ZDHHC23: variants seen among roughly 807,000 people sequenced by gnomAD.
ZDHHC23 encodes the protein palmitoyltransferase ZDHHC23.
Under a neutral mutation model 40.2 loss-of-function variants are expected in ZDHHC23, and 41 were observed. The observed-to-expected ratio is 1.02, with a 90% confidence interval of 0.79 to 1.32. The LOEUF is 1.32. ZDHHC23 is among the 40% of genes most tolerant of loss of function. ZDHHC23 has a pLI of 0.00. For missense variants in ZDHHC23, 471 were observed against 541.5 expected (o/e 0.87, Z 1.29); for synonymous variants, 204 against 210.2 (o/e 0.97, Z 0.26).
chr3:113,960,635 T>G lies in ZDHHC23; in HGVS notation c.*2005T>G, dbSNP rs960254176. On this transcript the variant is annotated 3_prime_UTR_variant, in exon 5 of 5. Transcript: ENST00000638807. ...AACATCTAAATGTAATGTGATGTGATGAAGATAAGTAGTACAAAGAGACCA... is the reference window on the plus strand; with the variant it reads ...AACATCTAAATGTAATGTGATGTGAGGAAGATAAGTAGTACAAAGAGACCA... 1.3e-6 allele frequency: 2 copies of G among 1,588,382 alleles called. No individual in the cohort carries two copies. The highest frequency in any genetic ancestry group is 2.7e-5 in the African/African-American group (2 of 72,798).
At chr3:113,978,419 G>A in the ZDHHC23 span, 1 of 1,286,508 alleles carries the variant, frequency 7.8e-7, no homozygotes. Context: ...AGACAGAAAT[G>A]AAACAAAAGA....
chr3:113,973,233 T>C, the ZDHHC23 span, among the ~76,000 whole-genome samples: 3 of 152,316 alleles, frequency 2.0e-5, no homozygotes, highest in African/African-American at 7.2e-5. Flanking sequence ...GACTTTTTCT[T>C]GTTTTAGTTT....
At chr3:113,951,199 C>T (rs1184852633) in intron 2 of ZDHHC23, among the ~76,000 whole-genome samples, 2 of 152,148 alleles carry the variant, frequency 1.3e-5, no homozygotes, top group East Asian at 3.9e-4. Flanking sequence ...TCCAAGCAGG[C>T]ATTGCCTCAG....
chr3:113,953,444 T>C (rs974293939), intron 2 of ZDHHC23, among the ~76,000 whole-genome samples: 5 of 152,228 alleles, frequency 3.3e-5, no homozygotes, highest in Non-Finnish European at 7.3e-5. Context: ...GATGTAAACA[T>C]TACTTGCAGC....
chr3:113,978,303 C>T, the ZDHHC23 span: 5 of 1,613,828 alleles, frequency 3.1e-6, no homozygotes, highest in African/African-American at 6.7e-5. Flanking sequence ...ACAAAATTTT[C>T]TTACTTCTTC....
rs762748043 is a variant in ZDHHC23, at chr3:113,956,432, C to G, written c.966C>G (p.Thr322=). 1 of 1,614,152 alleles carries G rather than the reference C, an allele frequency of 6.2e-7. No individual in the cohort carries two copies. The highest frequency in any genetic ancestry group is 1.1e-5 in the South Asian group (1 of 91,080). ...LLTSVYGITL[T]LDTICRDRSV... ...CCTCGGTGTATGGGATCACACTGAC[C>G]TTGGACACCATTTGTAGAGACAGAA... Residue 322 remains threonine (T), a synonymous_variant, in exon 4 of 5, where the codon ACC becomes ACG. Transcript: ENST00000638807.
the ZDHHC23 span, among the ~76,000 whole-genome samples, chr3:113,972,700 C>A: frequency 6.6e-6 from 1 of 152,046 alleles, no homozygotes; most frequent in African/African-American, 2.4e-5. Context: ...TTGCAGTTAT[C>A]TCTCCCTTTA....
At chr3:113,965,809 G>T (rs571837612), downstream of ZDHHC23, among the ~76,000 whole-genome samples, 2 of 152,046 alleles carry the variant, frequency 1.3e-5, no homozygotes, top group Non-Finnish European at 2.9e-5. Context: ...TGGCCAGGCT[G>T]GTCTTGAACT....
chr3:113,949,423 T>C (rs1469315423), intron 2 of ZDHHC23, among the ~76,000 whole-genome samples: 1 of 152,208 alleles, frequency 6.6e-6, no homozygotes, highest in Non-Finnish European at 1.5e-5. Context: ...TTAGTACTGG[T>C]CTTGCCCCTT....
At chr3:113,958,337 C>G (rs368925432) in intron 4 of ZDHHC23, 26 bp from the exon 5 acceptor site, 1 of 1,579,780 alleles carries the variant, frequency 6.3e-7, no homozygotes, top group Non-Finnish European at 8.6e-7. Flanking sequence ...AAACGGCAGC[C>G]CTGACAGCCT....
the ZDHHC23 span, among the ~76,000 whole-genome samples, chr3:113,970,565 T>C: frequency 6.6e-6 from 1 of 152,224 alleles, no homozygotes; most frequent in African/African-American, 2.4e-5. Context: ...GGCCAGGATG[T>C]TGATTTTTCT....
At chr3:113,974,348 C>T in the ZDHHC23 span, among the ~76,000 whole-genome samples, 1 of 149,782 alleles carries the variant, frequency 6.7e-6, no homozygotes, top group Non-Finnish European at 1.5e-5. Context: ...GAGATGGAGT[C>T]TTGCTCAAGC....
downstream of ZDHHC23, chr3:113,964,453 AGT>A (rs1036437333): frequency 2.6e-5 from 4 of 152,306 alleles, no homozygotes; most frequent in East Asian, 3.9e-4. Context: ...AGACAAACTG[AGT>A]GTATTATTCA....
rs1939584176 is a variant in ZDHHC23, at chr3:113,960,150, A to G, written c.*1520A>G. On this transcript the variant is annotated 3_prime_UTR_variant, in exon 5 of 5. Coordinates refer to ENST00000638807, the MANE Select transcript of ZDHHC23 (RefSeq NM_001320466.2). ...GCATGCTGCTTTAAGCAAGAGATTT[A>G]TATTTGTTGAGAGGAAATATTGCTA... is the stretch of plus-strand genomic sequence containing the variant. 4 of 990,586 alleles carry G rather than the reference A, an allele frequency of 4.0e-6. No homozygotes were observed. Among genetic ancestry groups the G allele is most frequent in the East Asian group, 1.1e-4 (1 of 8,898 alleles). 61.4% of individuals were successfully genotyped at this position (990,586 alleles called of 1,614,324 possible). A position where few individuals can be genotyped will look rare whatever the true frequency, so the allele number is the denominator to read the frequency against.
In ZDHHC23 at chr3:113,958,407, C is replaced by T. The variant is rs760283870; in HGVS notation, c.1085C>T (p.Thr362Ile). The change falls in exon 5 of 5, where the codon ACA becomes ATA. Residue 362 changes from threonine to isoleucine, a missense_variant. Around this residue, in one of 3 missense-constraint regions of ZDHHC23, gnomAD observed 346 missense variants for 399.8 expected, o/e 0.87. Coordinates refer to ENST00000638807, the MANE Select transcript of ZDHHC23 (RefSeq NM_001320466.2). The part of the protein sequence containing the change: ...FTCVWYSVII[T>I]AGMAYIFLIQ... ...TGCGTGTGGTACTCTGTGATCATCA[C>T]AGCAGGCATGGCCTACATCTTCCTG... 3 of 1,614,208 alleles carry T rather than the reference C, an allele frequency of 1.9e-6. No individual in the cohort carries two copies. The highest frequency in any genetic ancestry group is 1.7e-5 in the Admixed American group (1 of 60,028).
chr3:113,948,915 T>G lies in ZDHHC23; in HGVS notation c.113T>G (p.Val38Gly), dbSNP rs1251333150. ...YIDRNGEKNH[V>G]ATCLCDCQDL... is the part of the protein sequence containing the mutation. Reference sequence around the variant, plus strand: ...GATCGGAATGGGGAAAAGAACCACGTGGCTACTTGTTTGTGTGATTGTCAA... The same window carrying G: ...GATCGGAATGGGGAAAAGAACCACGGGGCTACTTGTTTGTGTGATTGTCAA... The change falls in exon 2 of 5, where the codon GTG becomes GGG. Residue 38 changes from valine to glycine, a missense_variant. By Grantham distance (109) the Val-to-Gly change is moderately radical. Coordinates refer to ENST00000638807, the MANE Select transcript of ZDHHC23 (RefSeq NM_001320466.2). 3.1e-6 allele frequency: 5 copies of G among 1,614,094 alleles called. No individual in the cohort carries two copies. In the Middle Eastern group the frequency reaches 4.9e-4, roughly 159 times the overall value.
downstream of ZDHHC23, among the ~76,000 whole-genome samples, chr3:113,968,471 T>A (rs1323743499): frequency 6.6e-6 from 1 of 152,012 alleles, no homozygotes. Flanking sequence ...CTTTTTTTTT[T>A]AGGGCGTCAC....
At chr3:113,975,225 C>A in the ZDHHC23 span, among the ~76,000 whole-genome samples, 1,359 of 152,172 alleles carry the variant, frequency 8.9e-3, 25 homozygotes, top group Non-Finnish European at 9.0e-3. Context: ...ATAAAATTAT[C>A]CGGAAGTGAT....
chr3:113,959,545 T>C lies in ZDHHC23; in HGVS notation c.*915T>C. 7.9e-7 allele frequency: 1 copy of C among 1,271,370 alleles called. No individual in the cohort carries two copies. The highest frequency in any genetic ancestry group is 1.0e-6 in the Non-Finnish European group (1 of 974,460). The allele number at this position is 1,271,370 out of a possible 1,614,324, so 78.8% of individuals were successfully genotyped here. A position where few individuals can be genotyped will look rare whatever the true frequency, so the allele number is the denominator to read the frequency against. On this transcript the variant is annotated 3_prime_UTR_variant, in exon 5 of 5. Transcript: ENST00000638807. ...GGTAAGGTGCTAGCACACTTGTGAC[T>C]GTGGCTGGAAGAGGAGAACAGACAC... is the stretch of plus-strand genomic sequence containing the variant.
Sources: gnomAD v4.1 joint callset for allele counts (sites outside exome capture counted in the v4.1 genomes callset) on GRCh38, gnomAD v4.1.1 for gene constraint, gnomAD v4.1.1 regional missense constraint, MANE v1.5 for transcripts, NCBI Gene and HGNC (gene_info 2026-07-23, HGNC 2026-07-21) for gene names.